Variants in TRIM46 observed in about 807,000 individuals in gnomAD.
TRIM46 encodes tripartite motif containing 46.
TRIM46 carries 17 observed loss-of-function variants against 69.7 expected under a neutral mutation model. The ratio of observed to expected loss-of-function variants is 0.24; its 90% confidence interval spans 0.17 to 0.37. The LOEUF is 0.37. Among genes scored for constraint, TRIM46 ranks in the 10% least tolerant of loss-of-function variants. The probability of loss-of-function intolerance (pLI) is 1.00; values close to 1 mark genes in which losing one functional copy is unlikely to be tolerated. For missense variants in TRIM46, 675 were observed against 1,025.1 expected, an observed-to-expected ratio of 0.66 and a Z score of 4.66; for synonymous variants, 391 against 429.0, an observed-to-expected ratio of 0.91 and a Z score of 1.09.
At chr1:155,176,654 G>A (rs570413734) in intron 3 of TRIM46, among the ~76,000 whole-genome samples, 1 of 152,324 alleles carries the variant, frequency 6.6e-6, no homozygotes, top group South Asian at 2.1e-4. Flanking sequence ...TAACTACCAG[G>A]CAAAGATTAA....
chr1:155,178,739 T>TTGGGGG, intron 7 of TRIM46, 126 bp downstream of exon 7: 2 of 1,348,458 alleles, frequency 1.5e-6, no homozygotes, highest in African/African-American at 1.5e-5. Context: ...CAGCCATTCC[T>TTGGGGG]CCCACCCAGC....
intron 7 of TRIM46, chr1:155,178,994 C>CTT (rs1665930105): frequency 6.2e-6 from 3 of 482,514 alleles, no homozygotes; most frequent in Non-Finnish European, 1.1e-5. Context: ...TGGACCAATG[C>CTT]CCTGTCTCCC....
At chr1:155,174,860 G>A in intron 1 of TRIM46, 1 of 1,415,868 alleles carries the variant, frequency 7.1e-7, no homozygotes, top group Non-Finnish European at 9.2e-7. Context: ...GGGAAGTGAA[G>A]GATGGGGAAT....
chr1:155,183,745 C>T, intron 9 of TRIM46, 52 bp from the exon 10 acceptor site: 2 of 1,587,752 alleles, frequency 1.3e-6, no homozygotes, highest in Non-Finnish European at 1.7e-6. Context: ...TCTGGTACCT[C>T]ATCCGTCACT....
At position 155,176,925 on chromosome 1, in the gene TRIM46, T is replaced by A. The variant is rs1665704669; in HGVS notation, c.670-7T>A. ...TCTGACCATCACATTGTTCTTTGTG[T>A]CCCTAGGGCCTTATGTGCCCAGACC... On this transcript the variant is annotated splice_region_variant and splice_polypyrimidine_tract_variant and intron_variant, in intron 3 of 9. Transcript: ENST00000334634. 6.2e-7 allele frequency: 1 copy of A among 1,611,670 alleles called. No homozygotes were observed. Among genetic ancestry groups the A allele is most frequent in the Non-Finnish European group, 8.5e-7 (1 of 1,177,928 alleles).
At chr1:155,174,414 G>A in intron 1 of TRIM46, 2 of 655,190 alleles carry the variant, frequency 3.1e-6, no homozygotes, top group African/African-American at 2.0e-5. Context: ...TGTAGGAGCC[G>A]CCCCACAGTG....
In TRIM46 at chr1:155,178,617, A is replaced by G. The variant is rs1341731984; in HGVS notation, c.1285+4A>G. 1.2e-6 allele frequency: 2 copies of G among 1,612,228 alleles called. No homozygotes were observed. The highest frequency in any genetic ancestry group is 2.7e-5 in the African/African-American group (2 of 74,910). Reference sequence around the variant, plus strand: ...ACAGAGCTTAACTTCCTGCGAGGTAAGGAGATGGCCAGGCCCCATGCCCAA... The same window carrying G: ...ACAGAGCTTAACTTCCTGCGAGGTAGGGAGATGGCCAGGCCCCATGCCCAA... On this transcript the variant is annotated splice_donor_region_variant and intron_variant, in intron 7 of 9. Coordinates refer to ENST00000334634, the MANE Select transcript of TRIM46 (RefSeq NM_025058.5).
At chr1:155,174,781 G>C in intron 1 of TRIM46, 2 of 1,464,598 alleles carry the variant, frequency 1.4e-6, no homozygotes, top group Non-Finnish European at 1.8e-6. Context: ...GCCGCTGACC[G>C]GGTTGCGCTG....
At chr1:155,179,999 G>A (rs1051884955) in intron 8 of TRIM46, 65 bp downstream of exon 8, 22 of 1,488,314 alleles carry the variant, frequency 1.5e-5, no homozygotes, top group East Asian at 7.0e-5. Context: ...AGGCCCTGAC[G>A]GTTGGTTCCG....
chr1:155,174,143 G>A lies in TRIM46; in HGVS notation c.63+114G>A, dbSNP rs1665411339. The A allele has an allele frequency of 1.1e-5, 14 of 1,249,058 alleles. 1 individual carries two copies. The Admixed American group carries it at 2.4e-4, about 22-fold the overall frequency. 77.4% of individuals were successfully genotyped at this position (1,249,058 alleles called of 1,614,324 possible). A position where few individuals can be genotyped will look rare whatever the true frequency, so the allele number is the denominator to read the frequency against. ...ATGCTGGGATGTAGACAGGGGGCTAGCGATGGCAGAAACGGCTGGGAGGGT... is the reference window on the plus strand; with the variant it reads ...ATGCTGGGATGTAGACAGGGGGCTAACGATGGCAGAAACGGCTGGGAGGGT... On this transcript the variant is annotated intron_variant, in intron 1 of 9. Transcript: ENST00000334634.
rs951438038 is a variant in TRIM46, at chr1:155,175,605, A to G, written c.283A>G (p.Thr95Ala). ...CCGCAGCCCCCGCCTCTCCCGCAGA[A>G]CTCTCCCCAAGCCAGACCGCCTGGA... ...STRSPRLSRR[T>A]LPKPDRLDRL... Residue 95 changes from threonine to alanine, a missense_variant, in exon 2 of 10, where the codon ACT (threonine) becomes GCT (alanine). By Grantham distance (58) the Thr-to-Ala change is moderately conservative. Coordinates refer to ENST00000334634, the MANE Select transcript of TRIM46 (RefSeq NM_025058.5). This position sits in a 1 kb window ranked among gnomAD's most constrained non-coding sequence, Gnocchi z 4.2. The G allele has an allele frequency of 6.2e-7, 1 of 1,613,286 alleles. No homozygotes were observed. The highest frequency in any genetic ancestry group is 1.1e-5 in the South Asian group (1 of 91,054).
rs966777239 is a variant in TRIM46, at chr1:155,183,981, C to T, written c.2071C>T (p.Leu691=). 3.1e-6 allele frequency: 5 copies of T among 1,613,978 alleles called. No homozygotes were observed. Among genetic ancestry groups the T allele is most frequent in the African/African-American group, 1.3e-5 (1 of 74,946 alleles). ...AGCTVPLPPR[L]GICLDYERGR... Reference sequence around the variant, plus strand: ...CTGCACAGTGCCCCTGCCACCCCGCCTGGGCATCTGCCTGGACTATGAGCG... The same window carrying T: ...CTGCACAGTGCCCCTGCCACCCCGCTTGGGCATCTGCCTGGACTATGAGCG... The change falls in exon 10 of 10, where the codon CTG becomes TTG. Residue 691 remains leucine (L), a synonymous_variant. Coordinates refer to ENST00000334634, the MANE Select transcript of TRIM46 (RefSeq NM_025058.5).
Position 155,181,786 on chromosome 1 carries a change from C to A in TRIM46, c.1589-66C>A. The stretch of plus-strand genomic sequence containing the variant: ...ACGCGTTCCCTGTTCTGCAGTCTCA[C>A]AGCCCCCAGTGCCAGTGTTTGTCCC... On this transcript the variant is annotated intron_variant, in intron 8 of 9. Coordinates refer to ENST00000334634, the MANE Select transcript of TRIM46 (RefSeq NM_025058.5). This position sits in a 1 kb window ranked among gnomAD's most constrained non-coding sequence, Gnocchi z 4.3. 2 of 1,541,274 alleles carry A rather than the reference C, an allele frequency of 1.3e-6. No homozygotes were observed. Among genetic ancestry groups the A allele is most frequent in the South Asian group, 1.2e-5 (1 of 80,846 alleles).
rs1666390097 is a variant in TRIM46, at chr1:155,184,286, C to T, written c.*96C>T. 2 of 1,317,508 alleles carry T rather than the reference C, an allele frequency of 1.5e-6. No homozygotes were observed. Among genetic ancestry groups the T allele is most frequent in the African/African-American group, 3.0e-5 (2 of 67,584 alleles). The allele number at this position is 1,317,508 out of a possible 1,614,324, so 81.6% of individuals were successfully genotyped here. A position where few individuals can be genotyped will look rare whatever the true frequency, so the allele number is the denominator to read the frequency against. ...TGTTACCCCCTGGCAGCTTCTCCCC[C>T]AAACTCTCCTACCATGTGGCCCTGC... is the stretch of plus-strand genomic sequence containing the variant. On this transcript the variant is annotated 3_prime_UTR_variant, in exon 10 of 10. Coordinates refer to ENST00000334634, the MANE Select transcript of TRIM46 (RefSeq NM_025058.5). The surrounding 1 kb of genome is among the most constrained non-coding windows in gnomAD (Gnocchi z 5.6).
Position 155,181,795 on chromosome 1 carries a change from G to A in TRIM46, c.1589-57G>A. On this transcript the variant is annotated intron_variant, in intron 8 of 9. Transcript: ENST00000334634. The surrounding 1 kb of genome is among the most constrained non-coding windows in gnomAD (Gnocchi z 4.3). The stretch of plus-strand genomic sequence containing the variant: ...CTGTTCTGCAGTCTCACAGCCCCCA[G>A]TGCCAGTGTTTGTCCCTGAAGTTCT... 6.4e-7 allele frequency: 1 copy of A among 1,558,762 alleles called. No homozygotes were observed. The highest frequency in any genetic ancestry group is 8.7e-7 in the Non-Finnish European group (1 of 1,146,944).
Position 155,184,171 on chromosome 1 carries a change from G to T in TRIM46, c.2261G>T (p.Gly754Val), listed in dbSNP as rs771663568. The T allele has an allele frequency of 1.2e-6, 2 of 1,609,932 alleles. No individual in the cohort carries two copies. The highest frequency in any genetic ancestry group is 1.7e-6 in the Non-Finnish European group (2 of 1,178,116). ...CCTGAGAGGAAAGTCACCATTGGGG[G>T]CTTCGCCAAGCTGGACTGAGCCTTC... Reference protein sequence around the residue: ...TKPERKVTIGGFAKLD With the variant: ...TKPERKVTIGVFAKLD Residue 754 changes from glycine to valine, a missense_variant, in exon 10 of 10, where the codon GGC becomes GTC. Coordinates refer to ENST00000334634, the MANE Select transcript of TRIM46 (RefSeq NM_025058.5). The surrounding 1 kb of genome is among the most constrained non-coding windows in gnomAD (Gnocchi z 5.6).
chr1:155,174,561 C>CTTCCTCCCCCCCTCCTTG (rs1199698420), intron 1 of TRIM46: 12 of 1,490,308 alleles, frequency 8.1e-6, no homozygotes, highest in Non-Finnish European at 1.1e-5. Flanking sequence ...CCCCCCACCA[C>CTTCCTCCCCCCCTCCTTG]TTCCTCCCCC....
At chr1:155,183,055 C>T (rs1396288809) in intron 9 of TRIM46, among the ~76,000 whole-genome samples, 6 of 151,786 alleles carry the variant, frequency 4.0e-5, no homozygotes, top group South Asian at 2.1e-4. Flanking sequence ...GGACTACAGG[C>T]ACCCGCCACC....
Position 155,183,910 on chromosome 1 carries a change from C to T in TRIM46, c.2000C>T (p.Ala667Val), listed in dbSNP as rs750420768. Residue 667 changes from alanine to valine, a missense_variant, in exon 10 of 10, where the codon GCA becomes GTA. Ala to Val is a moderately conservative substitution (Grantham distance 64). Around this residue, in one of 5 missense-constraint regions of TRIM46, gnomAD observed 108 missense variants for 153.0 expected, o/e 0.71. Coordinates refer to ENST00000334634, the MANE Select transcript of TRIM46 (RefSeq NM_025058.5). Reference protein sequence around the residue: ...GMGKILLGSGASSNAGLTGRD... With the variant: ...GMGKILLGSGVSSNAGLTGRD... ...GGCAAGATCCTGCTGGGGTCGGGGG[C>T]AAGCTCAAACGCAGGGCTGACAGGG... 9.9e-6 allele frequency: 16 copies of T among 1,613,650 alleles called. No individual in the cohort carries two copies. The highest frequency in any genetic ancestry group is 3.3e-5 in the Admixed American group (2 of 60,006).
Sources: allele counts gnomAD v4.1 joint callset (sites outside exome capture counted in the v4.1 genomes callset), GRCh38; gene constraint gnomAD v4.1.1; regional missense constraint gnomAD v4.1.1; non-coding constraint Gnocchi (gnomAD v3.1); transcripts MANE v1.5; gene names NCBI Gene and HGNC (gene_info 2026-07-23, HGNC 2026-07-21).